The following COL8A1 variants were observed in gnomAD, a reference collection of about 807,000 sequenced individuals.
COL8A1 encodes collagen alpha-1(VIII) chain.
In COL8A1, 21 loss-of-function variants were observed where a neutral mutation model predicts 42.7. The observed-to-expected ratio is 0.49, with a 90% CI of 0.35 to 0.71. COL8A1 has a LOEUF of 0.71. Among genes scored for constraint, COL8A1 ranks in the 30% least tolerant of loss-of-function variants. The probability of loss-of-function intolerance (pLI) is 0.01; values close to 1 mark genes in which losing one functional copy is unlikely to be tolerated. For missense variants in COL8A1, 788 were observed against 962.4 expected, an observed-to-expected ratio of 0.82 and a Z score of 2.40; for synonymous variants, 367 against 369.1, an observed-to-expected ratio of 0.99 and a Z score of 0.06.
intron 1 of COL8A1, among the ~76,000 whole-genome samples, chr3:99,672,478 G>T (rs1938575317): frequency 1.3e-5 from 2 of 150,910 alleles, no homozygotes; most frequent in African/African-American, 2.4e-5. Context: ...ATCTCTTGAG[G>T]TTTTTTAAAA....
At chr3:99,726,910 C>G (rs937264064) in intron 1 of COL8A1, among the ~76,000 whole-genome samples, 1 of 152,030 alleles carries the variant, frequency 6.6e-6, no homozygotes, top group Non-Finnish European at 1.5e-5. Context: ...TTTTTGGTTC[C>G]ACATGAATTT....
At chr3:99,745,656 T>A (rs752386550) in intron 2 of COL8A1, among the ~76,000 whole-genome samples, 4 of 152,184 alleles carry the variant, frequency 2.6e-5, no homozygotes, top group Non-Finnish European at 5.9e-5. Context: ...AAAAACAATC[T>A]AGGATGAATG....
chr3:99,763,360 T>C (rs755243005), intron 2 of COL8A1, among the ~76,000 whole-genome samples: 16 of 151,994 alleles, frequency 1.1e-4, no homozygotes, highest in Non-Finnish European at 2.4e-4. Context: ...GAAGGATGGG[T>C]TCCTTGGGTT....
chr3:99,766,550 G>A (rs1303678178), intron 2 of COL8A1, among the ~76,000 whole-genome samples: 1 of 152,074 alleles, frequency 6.6e-6, no homozygotes, highest in Non-Finnish European at 1.5e-5. Flanking sequence ...TGTTTTCTTT[G>A]AGAAAGAATA....
chr3:99,710,684 C>T (rs998802872), intron 1 of COL8A1, among the ~76,000 whole-genome samples: 5 of 152,106 alleles, frequency 3.3e-5, no homozygotes, highest in Non-Finnish European at 5.9e-5. Context: ...AACATGTGGA[C>T]CAGGCATGTG....
chr3:99,645,343 G>A (rs1057235471), intron 1 of COL8A1, among the ~76,000 whole-genome samples: 9 of 151,532 alleles, frequency 5.9e-5, no homozygotes, highest in African/African-American at 2.2e-4. Context: ...GGGCACTAGG[G>A]GGAGCTAAGA....
At chr3:99,705,576 T>C (rs1939658209) in intron 1 of COL8A1, among the ~76,000 whole-genome samples, 1 of 152,190 alleles carries the variant, frequency 6.6e-6, no homozygotes, top group African/African-American at 2.4e-5. Flanking sequence ...CATGGTACAA[T>C]TTTTCTAAAG....
intron 1 of COL8A1, among the ~76,000 whole-genome samples, chr3:99,726,100 T>C (rs989450663): frequency 6.6e-6 from 1 of 152,076 alleles, no homozygotes; most frequent in African/African-American, 2.4e-5. Flanking sequence ...TTTTAATGAT[T>C]GCCATTCTAA....
intron 2 of COL8A1, among the ~76,000 whole-genome samples, chr3:99,763,509 T>C (rs954814193): frequency 6.6e-6 from 1 of 152,184 alleles, no homozygotes; most frequent in Non-Finnish European, 1.5e-5. Flanking sequence ...CCGGACATCA[T>C]TCTAAACACT....
chr3:99,733,077 C>A (rs903921042), intron 1 of COL8A1, among the ~76,000 whole-genome samples: 3 of 150,924 alleles, frequency 2.0e-5, no homozygotes, highest in African/African-American at 7.3e-5. Context: ...CAACTCTACT[C>A]CTGTGGCTTT....
intron 2 of COL8A1, among the ~76,000 whole-genome samples, 163 bp downstream of exon 2, chr3:99,745,184 T>G (rs940351054): frequency 5.3e-5 from 8 of 152,164 alleles, no homozygotes; most frequent in African/African-American, 1.7e-4. Context: ...GCAAAAGCCT[T>G]GAGAACATTG....
At chr3:99,733,595 G>T (rs950737841) in intron 1 of COL8A1, among the ~76,000 whole-genome samples, 8 of 152,046 alleles carry the variant, frequency 5.3e-5, no homozygotes, top group Non-Finnish European at 2.9e-5. Context: ...TGTGAATAAT[G>T]CCGCAATAAA....
intron 2 of COL8A1, among the ~76,000 whole-genome samples, chr3:99,781,902 T>A (rs879910159): frequency 2.6e-5 from 4 of 152,228 alleles, no homozygotes; most frequent in Admixed American, 2.6e-4. Flanking sequence ...AAATTGTTGT[T>A]GTTCCTAAAA....
rs372983340 is a variant in COL8A1 at position 99,796,007 on chromosome 3, G to C, written c.2106G>C (p.Gly702=). 4 of 1,613,862 alleles carry C rather than the reference G, an allele frequency of 2.5e-6. No homozygotes were observed. The highest frequency in any genetic ancestry group is 1.3e-5 in the African/African-American group (1 of 74,932). ...AGGGCTTCCTGGACCAGGCATCTGG[G>C]AGTGCAGTGCTGCTGCTCAGGCCCG... ...YKKGFLDQAS[G]SAVLLLRPGD... The change falls in exon 4 of 4, where the codon GGG becomes GGC. Residue 702 remains glycine (G), a synonymous_variant. Transcript: ENST00000652472.
chr3:99,771,271 A>G (rs749441152), intron 2 of COL8A1, among the ~76,000 whole-genome samples: 1 of 152,234 alleles, frequency 6.6e-6, no homozygotes, highest in Non-Finnish European at 1.5e-5. Flanking sequence ...CCTAATTTAC[A>G]TTTGTTAAAT....
At chr3:99,736,847 T>C (rs1004119142) in intron 1 of COL8A1, among the ~76,000 whole-genome samples, 5 of 152,120 alleles carry the variant, frequency 3.3e-5, no homozygotes, top group South Asian at 2.1e-4. Context: ...AAGTCTCCCA[T>C]TATTAATGTG....
At chr3:99,668,409 C>T (rs896214759) in intron 1 of COL8A1, among the ~76,000 whole-genome samples, 2 of 152,170 alleles carry the variant, frequency 1.3e-5, no homozygotes, top group South Asian at 2.1e-4. Context: ...TAAGTAAAGT[C>T]GTCATTTTTA....
chr3:99,721,369 C>A (rs115150677), intron 1 of COL8A1, among the ~76,000 whole-genome samples: 697 of 118,248 alleles, frequency 5.9e-3, no homozygotes, highest in Non-Finnish European at 7.1e-3. Context: ...ACAATTTAGA[C>A]AAAAAAAAAA....
intron 2 of COL8A1, among the ~76,000 whole-genome samples, chr3:99,787,227 G>C (rs1304795288): frequency 6.6e-6 from 1 of 152,120 alleles, no homozygotes; most frequent in Non-Finnish European, 1.5e-5. Context: ...ACATTACTCT[G>C]TTATGTACAT....
Sources: allele counts gnomAD v4.1 joint callset (sites outside exome capture counted in the v4.1 genomes callset), GRCh38; gene constraint gnomAD v4.1.1; transcripts MANE v1.5; gene names NCBI Gene and HGNC (gene_info 2026-07-23, HGNC 2026-07-21).